LYPD6B: variants seen among roughly 807,000 people sequenced by gnomAD.
LYPD6B encodes the protein ly6/PLAUR domain-containing protein 6B.
In LYPD6B, 17 loss-of-function variants were observed where a neutral mutation model predicts 22.8. That is an observed-to-expected ratio of 0.75 (90% CI 0.51 to 1.12). The LOEUF (loss-of-function observed/expected upper bound fraction) is 1.12. Among genes scored for constraint, LYPD6B ranks in the 50% most tolerant of loss-of-function variants. The probability of loss-of-function intolerance (pLI) is 0.00; values close to 1 mark genes in which losing one functional copy is unlikely to be tolerated. For missense variants in LYPD6B, 221 were observed against 258.3 expected, an observed-to-expected ratio of 0.86 and a Z score of 0.99; for synonymous variants, 106 against 91.6, an observed-to-expected ratio of 1.16 and a Z score of -0.90.
At chr2:149,180,177 TG>T (rs1332173492) in intron 3 of LYPD6B, among the ~76,000 whole-genome samples, 1 of 152,214 alleles carries the variant, frequency 6.6e-6, no homozygotes, top group Non-Finnish European at 1.5e-5. Flanking sequence ...ATGCCTTATG[TG>T]AAAAGGTGTG....
At chr2:149,207,437 G>A (rs989867099) in intron 4 of LYPD6B, among the ~76,000 whole-genome samples, 1 of 151,814 alleles carries the variant, frequency 6.6e-6, no homozygotes, top group Non-Finnish European at 1.5e-5. Flanking sequence ...TTTTACACAG[G>A]GTCCTATACC....
At chr2:149,116,496 C>T (rs1202068927) in intron 1 of LYPD6B, among the ~76,000 whole-genome samples, 1 of 152,128 alleles carries the variant, frequency 6.6e-6, no homozygotes, top group African/African-American at 2.4e-5. Flanking sequence ...ATCTCCTAAC[C>T]CTCTGCTAAT....
At chr2:149,190,088 T>A (rs1218233215) in intron 3 of LYPD6B, among the ~76,000 whole-genome samples, 2 of 152,204 alleles carry the variant, frequency 1.3e-5, no homozygotes, top group African/African-American at 4.8e-5. Context: ...GTACTATAAT[T>A]TTTTTATCCC....
intron 1 of LYPD6B, among the ~76,000 whole-genome samples, chr2:149,126,258 C>T (rs1687689369): frequency 6.6e-6 from 1 of 152,106 alleles, no homozygotes; most frequent in Admixed American, 6.5e-5. Context: ...ATATAGTTGA[C>T]TCTCGGACAA....
At chr2:149,119,656 G>T (rs1345210015) in intron 1 of LYPD6B, among the ~76,000 whole-genome samples, 1 of 152,206 alleles carries the variant, frequency 6.6e-6, no homozygotes, top group African/African-American at 2.4e-5. Context: ...GGAGTTAGAA[G>T]AATGTGAAGA....
chr2:149,135,514 G>A (rs2105732947), intron 2 of LYPD6B, among the ~76,000 whole-genome samples: 1 of 151,854 alleles, frequency 6.6e-6, no homozygotes, highest in South Asian at 2.1e-4. Flanking sequence ...GAGGTCAGGA[G>A]TTCGAGACCA....
intron 2 of LYPD6B, among the ~76,000 whole-genome samples, chr2:149,135,236 C>T (rs565961852): frequency 5.0e-5 from 7 of 140,704 alleles, no homozygotes; most frequent in African/African-American, 1.8e-4. Context: ...CAGAGCAAGA[C>T]TCTGTCTCAA....
chr2:149,186,247 CA>C (rs1234222361), intron 3 of LYPD6B, among the ~76,000 whole-genome samples: 1 of 152,190 alleles, frequency 6.6e-6, no homozygotes. Flanking sequence ...AGTGCTACTC[CA>C]GTGAACTCAT....
intron 5 of LYPD6B, among the ~76,000 whole-genome samples, chr2:149,209,798 A>G (rs1181355593): frequency 6.6e-6 from 1 of 152,190 alleles, no homozygotes; most frequent in Non-Finnish European, 1.5e-5. Flanking sequence ...TTAACAAAAT[A>G]TGTTTTTCTT....
At chr2:149,099,220 A>C (rs1489322457) in intron 1 of LYPD6B, among the ~76,000 whole-genome samples, 1 of 152,144 alleles carries the variant, frequency 6.6e-6, no homozygotes, top group Non-Finnish European at 1.5e-5. Context: ...CACCCAGTTA[A>C]ACCCGAATTA....
chr2:149,068,851 A>G (rs1574908845), intron 1 of LYPD6B: 1 of 375,404 alleles, frequency 2.7e-6, no homozygotes, highest in South Asian at 2.5e-5. Context: ...CTCCAGGTTT[A>G]TCGCCTGCAG....
intron 3 of LYPD6B, among the ~76,000 whole-genome samples, chr2:149,173,056 G>A (rs1418728231): frequency 6.6e-6 from 1 of 151,398 alleles, no homozygotes; most frequent in Non-Finnish European, 1.5e-5. Flanking sequence ...TTATATATAT[G>A]TTCTATGGGT....
chr2:149,102,224 AAAT>A (rs1181654101), intron 1 of LYPD6B, among the ~76,000 whole-genome samples: 1 of 152,242 alleles, frequency 6.6e-6, no homozygotes, highest in Non-Finnish European at 1.5e-5. Context: ...AGTAGTTCAT[AAAT>A]AATAATGATG....
intron 1 of LYPD6B, among the ~76,000 whole-genome samples, chr2:149,081,012 G>C (rs898471991): frequency 6.6e-6 from 1 of 152,148 alleles, no homozygotes; most frequent in East Asian, 1.9e-4. Context: ...TAGGACGTTT[G>C]TAACCTCTAG....
At chr2:149,157,426 G>C (rs1453153636) in intron 2 of LYPD6B, among the ~76,000 whole-genome samples, 2 of 152,198 alleles carry the variant, frequency 1.3e-5, no homozygotes, top group African/African-American at 4.8e-5. Context: ...CAAAAGTAGT[G>C]AATGAACTTC....
At chr2:149,073,245 A>G (rs1684709119) in intron 1 of LYPD6B, among the ~76,000 whole-genome samples, 1 of 152,170 alleles carries the variant, frequency 6.6e-6, no homozygotes, top group African/African-American at 2.4e-5. Context: ...CCAGCCCAGT[A>G]TATCTCTTGG....
At chr2:149,112,674 T>C (rs1386351978) in intron 1 of LYPD6B, among the ~76,000 whole-genome samples, 1 of 152,158 alleles carries the variant, frequency 6.6e-6, no homozygotes, top group Non-Finnish European at 1.5e-5. Flanking sequence ...ATGACTTAAA[T>C]GTTAAGTGCC....
intron 1 of LYPD6B, among the ~76,000 whole-genome samples, chr2:149,118,577 C>A (rs984706598): frequency 5.3e-5 from 8 of 152,150 alleles, no homozygotes; most frequent in Non-Finnish European, 1.5e-5. Flanking sequence ...GAAAACAAAT[C>A]AGAGGGAGGC....
intron 1 of LYPD6B, among the ~76,000 whole-genome samples, chr2:149,104,431 T>G (rs1218925262): frequency 6.6e-6 from 1 of 152,184 alleles, no homozygotes; most frequent in Non-Finnish European, 1.5e-5. Context: ...GTTTAAGAGA[T>G]AAAATGGCTA....
Sources: allele counts gnomAD v4.1 joint callset (sites outside exome capture counted in the v4.1 genomes callset), GRCh38; gene constraint gnomAD v4.1.1; transcripts MANE v1.5; gene names NCBI Gene and HGNC (gene_info 2026-07-23, HGNC 2026-07-21).